Variants in GRIK2 observed in about 807,000 individuals in gnomAD.
GRIK2 encodes the protein glutamate receptor ionotropic, kainate 2.
GRIK2 carries 32 observed loss-of-function variants against 100.3 expected under a neutral mutation model. The observed-to-expected ratio is 0.32, with a 90% CI of 0.24 to 0.43. The LOEUF (loss-of-function observed/expected upper bound fraction) is 0.43, where lower values mean the gene tolerates loss of function less well. GRIK2 is among the 20% of genes least tolerant of loss of function. The pLI is 1.00. For synonymous variants in GRIK2, 417 were observed against 389.4 expected (o/e 1.07, Z -0.83); for missense variants, 843 against 1,114.9 (o/e 0.76, Z 3.47).
At chr6:101,517,339 G>A (rs1242701305) in intron 2 of GRIK2, among the ~76,000 whole-genome samples, 2 of 152,070 alleles carry the variant, frequency 1.3e-5, no homozygotes, top group African/African-American at 2.4e-5. Context: ...ACTGAGAAAG[G>A]AGGTTAAGTG....
intron 9 of GRIK2, among the ~76,000 whole-genome samples, chr6:101,816,848 A>G (rs1383718194): frequency 6.6e-6 from 1 of 152,050 alleles, no homozygotes; most frequent in African/African-American, 2.4e-5. Context: ...AAACTCAACT[A>G]AAGCACCTGC....
intron 12 of GRIK2, 95 bp from the exon 13 acceptor site, chr6:101,924,506 A>T (rs1385551934): frequency 1.1e-5 from 8 of 714,092 alleles, no homozygotes; most frequent in Admixed American, 2.1e-5. Flanking sequence ...ACTTAAACTT[A>T]TCTGTCTTTT....
At chr6:101,564,630 T>C (rs539058119) in intron 2 of GRIK2, among the ~76,000 whole-genome samples, 1 of 152,234 alleles carries the variant, frequency 6.6e-6, no homozygotes, top group East Asian at 1.9e-4. Context: ...TACCAGACAC[T>C]GGGAAGAAGT....
intron 2 of GRIK2, among the ~76,000 whole-genome samples, chr6:101,577,944 G>T (rs1364701370): frequency 6.6e-6 from 1 of 152,088 alleles, no homozygotes; most frequent in Non-Finnish European, 1.5e-5. Context: ...GAATGCCTAC[G>T]AAAGGTTGAA....
At chr6:101,457,619 A>G (rs1309355391) in intron 2 of GRIK2, among the ~76,000 whole-genome samples, 2 of 152,154 alleles carry the variant, frequency 1.3e-5, no homozygotes, top group Non-Finnish European at 2.9e-5. Context: ...AATATAATCT[A>G]TAGCCTATTG....
rs543347804 is a variant in GRIK2, at chr6:101,691,877, A to G, written c.951+5524A>G. On this transcript the variant is annotated intron_variant, in intron 7 of 16. Transcript: ENST00000369134. ...ATCCACTAAGGTGACACAAGTAATC[A>G]TTTGTTACTGTATAAAGATTTACTT... Among the ~76,000 whole-genome samples the G allele has an allele frequency of 8.9e-4, 136 of 152,106 alleles. 1 individual carries two copies. Among genetic ancestry groups the G allele is most frequent in the African/African-American group, 3.0e-3 (126 of 41,484 alleles).
chr6:101,567,113 C>A (rs139200053), intron 2 of GRIK2, among the ~76,000 whole-genome samples: 1 of 151,712 alleles, frequency 6.6e-6, no homozygotes, highest in Non-Finnish European at 1.5e-5. Context: ...GTTTTACCTA[C>A]AAACATATAT....
At chr6:101,803,685 G>A (rs9322610) in intron 9 of GRIK2, among the ~76,000 whole-genome samples, 7 of 151,472 alleles carry the variant, frequency 4.6e-5, no homozygotes, top group Non-Finnish European at 2.9e-5. Flanking sequence ...ATGAAATATC[G>A]AAATCACTAG....
chr6:101,751,901 T>A (rs1384171600), intron 7 of GRIK2, among the ~76,000 whole-genome samples: 1 of 152,232 alleles, frequency 6.6e-6, no homozygotes, highest in African/African-American at 2.4e-5. Flanking sequence ...GAACCAGTGA[T>A]GATCACTATC....
chr6:101,560,441 A>T (rs1410095492), intron 2 of GRIK2, among the ~76,000 whole-genome samples: 2 of 152,008 alleles, frequency 1.3e-5, no homozygotes, highest in African/African-American at 2.4e-5. Context: ...AAAGTTAAAG[A>T]TCGTGTATTA....
intron 4 of GRIK2, among the ~76,000 whole-genome samples, chr6:101,633,642 A>G (rs1780873191): frequency 6.6e-6 from 1 of 152,160 alleles, no homozygotes; most frequent in African/African-American, 2.4e-5. Flanking sequence ...AAATTCAGGA[A>G]CTACAATAAA....
chr6:101,830,233 T>C (rs1782591888), intron 10 of GRIK2, among the ~76,000 whole-genome samples: 1 of 152,014 alleles, frequency 6.6e-6, no homozygotes, highest in Non-Finnish European at 1.5e-5. Flanking sequence ...TGCACAAGAA[T>C]GAAACTGGAC....
chr6:101,864,065 AAGCGGAGCTTGC>A (rs1562448117), intron 11 of GRIK2, among the ~76,000 whole-genome samples: 1 of 151,214 alleles, frequency 6.6e-6, no homozygotes, highest in East Asian at 2.0e-4. Context: ...TGAACCCGGG[AAGCGGAGCTTGC>A]AGTGAGCCGA....
intron 12 of GRIK2, chr6:101,890,155 C>G: frequency 4.3e-6 from 1 of 232,842 alleles, no homozygotes; most frequent in Non-Finnish European, 8.2e-6. Flanking sequence ...ATCATTGCCT[C>G]ACTTCGAAGA....
intron 10 of GRIK2, among the ~76,000 whole-genome samples, chr6:101,834,915 G>A (rs1562425254): frequency 6.6e-6 from 1 of 152,108 alleles, no homozygotes; most frequent in Non-Finnish European, 1.5e-5. Flanking sequence ...TGAAGTGGGA[G>A]TACTACCTGA....
intron 16 of GRIK2, chr6:102,063,948 AT>A: frequency 1.5e-6 from 2 of 1,294,596 alleles, no homozygotes; most frequent in Non-Finnish European, 1.1e-6. Context: ...AAAGATTTAA[AT>A]TTTCATTTTC....
At chr6:101,863,721 C>T (rs928775053) in intron 11 of GRIK2, among the ~76,000 whole-genome samples, 2 of 152,180 alleles carry the variant, frequency 1.3e-5, no homozygotes, top group African/African-American at 2.4e-5. Context: ...AATTTGGGCA[C>T]CGTGTGTCTA....
At chr6:101,397,976 G>A (rs900810967) in intron 1 of GRIK2, among the ~76,000 whole-genome samples, 9 of 151,780 alleles carry the variant, frequency 5.9e-5, no homozygotes, top group African/African-American at 1.7e-4. Context: ...TAATAAAAAT[G>A]TATTTTTATG....
chr6:101,879,993 G>A (rs751140866), intron 11 of GRIK2, among the ~76,000 whole-genome samples: 7 of 151,930 alleles, frequency 4.6e-5, no homozygotes, highest in Non-Finnish European at 8.8e-5. Flanking sequence ...TAGGGCCCTA[G>A]ATTCATATGG....
Sources: allele counts gnomAD v4.1 joint callset (sites outside exome capture counted in the v4.1 genomes callset), GRCh38; gene constraint gnomAD v4.1.1; transcripts MANE v1.5; gene names NCBI Gene and HGNC (gene_info 2026-07-23, HGNC 2026-07-21).